Variants in PITPNC1 observed in about 807,000 individuals in gnomAD.
PITPNC1 encodes the protein cytoplasmic phosphatidylinositol transfer protein 1.
In PITPNC1, 18 loss-of-function variants were observed where a neutral mutation model predicts 44.7. That is an observed-to-expected ratio of 0.40 (90% CI 0.28 to 0.60). The LOEUF is 0.60. Ranked by LOEUF, PITPNC1 falls within the 20% of genes least tolerant of loss-of-function variation. The pLI, the probability that PITPNC1 is intolerant of heterozygous loss-of-function variation, is 0.39. For synonymous variants in PITPNC1, 141 were observed against 149.6 expected (o/e 0.94, Z 0.42); for missense variants, 290 against 418.4 (o/e 0.69, Z 2.68).
chr17:67,491,081 T>C (rs2039858275), intron 1 of PITPNC1, among the ~76,000 whole-genome samples: 1 of 152,224 alleles, frequency 6.6e-6, no homozygotes, highest in African/African-American at 2.4e-5. Flanking sequence ...TTTACTTCCA[T>C]GGTGACTTCT....
chr17:67,516,985 C>T (rs1407947328), intron 1 of PITPNC1, among the ~76,000 whole-genome samples: 1 of 97,968 alleles, frequency 1.0e-5, no homozygotes, highest in Non-Finnish European at 2.1e-5. Context: ...GTACCCCATG[C>T]TGCTCTGTTC....
intron 1 of PITPNC1, among the ~76,000 whole-genome samples, chr17:67,464,903 T>C (rs963552064): frequency 6.6e-6 from 1 of 152,038 alleles, no homozygotes; most frequent in African/African-American, 2.4e-5. Flanking sequence ...CCAGGCCTGA[T>C]TGATTTTTGA....
rs2042961070 is a variant in PITPNC1 at position 67,693,289 on chromosome 17, T to C, written c.*401T>C. On this transcript the variant is annotated 3_prime_UTR_variant, in exon 9 of 9. Transcript: ENST00000581322. ...TCATCAAATCTAAAATTCTCCAAAA[T>C]ACTCTCAGGCATAACATACTTAGCT... 6.2e-6 allele frequency: 1 copy of C among 161,448 alleles called. No homozygotes were observed. Among genetic ancestry groups the C allele is most frequent in the Non-Finnish European group, 1.3e-5 (1 of 74,360 alleles). 10.0% of individuals were successfully genotyped at this position (161,448 alleles called of 1,614,324 possible). A position where few individuals can be genotyped will look rare whatever the true frequency, so the allele number is the denominator to read the frequency against.
At chr17:67,640,049 G>A (rs538553697) in intron 6 of PITPNC1, among the ~76,000 whole-genome samples, 12 of 151,930 alleles carry the variant, frequency 7.9e-5, no homozygotes, top group Non-Finnish European at 1.8e-4. Flanking sequence ...GGGGTACATC[G>A]TTAAGTTCAC....
In PITPNC1 at chr17:67,597,663, G is replaced by A. The variant is rs2041477624; in HGVS notation, c.366+19406G>A. Among the ~76,000 whole-genome samples the A allele has an allele frequency of 1.3e-5, 2 of 152,220 alleles. No homozygotes were observed. The highest frequency in any genetic ancestry group is 4.8e-5 in the African/African-American group (2 of 41,454). On this transcript the variant is annotated intron_variant, in intron 5 of 8. Transcript: ENST00000581322. The surrounding 1 kb of genome is among the most constrained non-coding windows in gnomAD (Gnocchi z 4.0). Reference sequence around the variant, plus strand: ...TTATTTTACATTTAAAAGATAGGATGCTTTTAATGGTGCCTTAATTCATCG... The same window carrying A: ...TTATTTTACATTTAAAAGATAGGATACTTTTAATGGTGCCTTAATTCATCG...
At chr17:67,425,240 C>G (rs947301215) in intron 1 of PITPNC1, among the ~76,000 whole-genome samples, 31 of 121,446 alleles carry the variant, frequency 2.6e-4, no homozygotes, top group African/African-American at 9.1e-4. Flanking sequence ...CACACACACA[C>G]ACACACACAC....
At chr17:67,634,937 C>T (rs576295487) in intron 6 of PITPNC1, among the ~76,000 whole-genome samples, 205 of 152,236 alleles carry the variant, frequency 1.3e-3, no homozygotes, top group African/African-American at 4.5e-3. Flanking sequence ...CCTTTAGTCC[C>T]GGCTACTCAG....
At chr17:67,406,977 C>T (rs1415927866) in intron 1 of PITPNC1, among the ~76,000 whole-genome samples, 7 of 152,218 alleles carry the variant, frequency 4.6e-5, no homozygotes, top group Non-Finnish European at 4.4e-5. Flanking sequence ...TGAACATTCA[C>T]ATACAAGCTT....
At chr17:67,575,241 C>G (rs1568047369) in intron 4 of PITPNC1, among the ~76,000 whole-genome samples, 3 of 113,704 alleles carry the variant, frequency 2.6e-5, no homozygotes, top group Non-Finnish European at 5.8e-5. Flanking sequence ...GGCATCCCCC[C>G]ACGTTCTCAT....
Position 67,654,880 on chromosome 17 carries a change from G to A in PITPNC1, c.463-14628G>A, listed in dbSNP as rs565104328. Among the ~76,000 whole-genome samples, 15 of 152,138 alleles carry A rather than the reference G, an allele frequency of 9.9e-5. No individual in the cohort carries two copies. In the South Asian group the frequency reaches 1.7e-3, roughly 17 times the overall value. On this transcript the variant is annotated intron_variant, in intron 6 of 8. Coordinates refer to ENST00000581322, the MANE Select transcript of PITPNC1 (RefSeq NM_012417.4). ...AAACTCCTGACCTCGTGATCTGCCC[G>A]CCTCATCCTCCCAAAGTGCTGGGAT...
In PITPNC1 at chr17:67,410,680, G is replaced by A. The variant is rs149952992; in HGVS notation, c.48+32478G>A. Among the ~76,000 whole-genome samples the A allele has an allele frequency of 5.3e-5, 8 of 151,354 alleles. 1 individual carries two copies. The South Asian group carries it at 8.6e-4, about 16-fold the overall frequency. On this transcript the variant is annotated intron_variant, in intron 1 of 8. Transcript: ENST00000581322. ...AGATTGCAGGGGTGAGCCACCAACC[G>A]CACGGGCCTGGTGAAGGTTTTTGCT...
chr17:67,431,204 G>A (rs1413880891), intron 1 of PITPNC1, among the ~76,000 whole-genome samples: 3 of 151,474 alleles, frequency 2.0e-5, no homozygotes, highest in Admixed American at 6.6e-5. Context: ...GACTATAGGC[G>A]CCCACCACCA....
chr17:67,620,567 T>C (rs2041816427), intron 5 of PITPNC1, among the ~76,000 whole-genome samples: 1 of 152,138 alleles, frequency 6.6e-6, no homozygotes, highest in Non-Finnish European at 1.5e-5. Flanking sequence ...CAGAATTTTC[T>C]CAGACACTCT....
chr17:67,650,633 T>C (rs1030631600), intron 6 of PITPNC1, among the ~76,000 whole-genome samples: 6 of 152,066 alleles, frequency 3.9e-5, no homozygotes, highest in African/African-American at 1.4e-4. Context: ...GGATTTTTAG[T>C]AGAGACGGGG....
intron 1 of PITPNC1, among the ~76,000 whole-genome samples, chr17:67,484,020 G>A (rs1034110337): frequency 2.0e-5 from 3 of 150,780 alleles, no homozygotes; most frequent in East Asian, 3.9e-4. Context: ...CCAGGTTCAA[G>A]CGATTCTCCT....
At chr17:67,538,846 A>G (rs1276630227) in intron 2 of PITPNC1, among the ~76,000 whole-genome samples, 1 of 151,982 alleles carries the variant, frequency 6.6e-6, no homozygotes, top group Non-Finnish European at 1.5e-5. Context: ...AGTGAAAGAC[A>G]CCAAAATTAA....
chr17:67,537,230 C>A (rs1356177284), intron 2 of PITPNC1, among the ~76,000 whole-genome samples: 6 of 151,914 alleles, frequency 3.9e-5, no homozygotes, highest in African/African-American at 1.5e-4. Context: ...CTAGCCAATG[C>A]AATAAAACAA....
intron 4 of PITPNC1, among the ~76,000 whole-genome samples, chr17:67,555,806 T>C (rs2040831113): frequency 6.6e-6 from 1 of 152,020 alleles, no homozygotes; most frequent in Non-Finnish European, 1.5e-5. Context: ...ATCACACCAC[T>C]GCACTCCAGC....
chr17:67,520,710 G>C (rs577770040), intron 1 of PITPNC1, among the ~76,000 whole-genome samples: 1 of 152,252 alleles, frequency 6.6e-6, no homozygotes. Context: ...AACGTATGAA[G>C]AAATCCCATG....
Sources: gnomAD v4.1 joint callset for allele counts (sites outside exome capture counted in the v4.1 genomes callset) on GRCh38, gnomAD v4.1.1 for gene constraint, Gnocchi (gnomAD v3.1) non-coding constraint, MANE v1.5 for transcripts, NCBI Gene and HGNC (gene_info 2026-07-23, HGNC 2026-07-21) for gene names.